Variants in ZNF443 observed in about 807,000 individuals in gnomAD.
ZNF443 encodes zinc finger protein 443.
ZNF443 carries 3 observed loss-of-function variants against 12.0 expected under a neutral mutation model. That is an observed-to-expected ratio of 0.25 (90% CI 0.11 to 0.64). ZNF443 has a LOEUF of 0.64. ZNF443 is among the 30% of genes least tolerant of loss of function. The pLI is 0.84. For synonymous variants in ZNF443, 225 were observed against 265.9 expected (o/e 0.85, Z 1.50); for missense variants, 770 against 808.8 (o/e 0.95, Z 0.58).
chr19:12,440,754 AG>A (rs1198049140), intron 1 of ZNF443, among the ~76,000 whole-genome samples, 157 bp downstream of exon 1: 7 of 152,144 alleles, frequency 4.6e-5, no homozygotes, highest in Admixed American at 2.6e-4. Flanking sequence ...CTGCATGCCC[AG>A]CCCCACCCTG....
At chr19:12,432,560 A>C in intron 2 of ZNF443, 123 bp from the exon 3 acceptor site, 1 of 613,358 alleles carries the variant, frequency 1.6e-6, no homozygotes, top group Non-Finnish European at 2.7e-6. Context: ...ACTCTTGAAA[A>C]ACAGAGGTTT....
At chr19:12,438,016 G>A (rs9676440) in intron 1 of ZNF443, among the ~76,000 whole-genome samples, 49,172 of 150,614 alleles carry the variant, frequency 0.33, 8,469 homozygotes, top group South Asian at 0.47. Context: ...CAAGAGAATC[G>A]CTTGAACGCA....
Position 12,441,018 on chromosome 19 carries a change from C to T in ZNF443, c.-104G>A. The T allele has an allele frequency of 3.1e-6, 5 of 1,600,912 alleles. No individual in the cohort carries two copies. Among genetic ancestry groups the T allele is most frequent in the Non-Finnish European group, 4.3e-6 (5 of 1,173,298 alleles). On this transcript the variant is annotated 5_prime_UTR_variant, in exon 1 of 4. Transcript: ENST00000301547. ...TCAGAACTTCCAGGTCGTCTCTCAG[C>T]TACAGAACCCAGAGCCGAGCGCAGG...
At chr19:12,437,416 A>AAAGAAAG (rs1555692050) in intron 1 of ZNF443, among the ~76,000 whole-genome samples, 9 of 146,754 alleles carry the variant, frequency 6.1e-5, no homozygotes, top group East Asian at 4.0e-4. Flanking sequence ...TCAAAAAAAA[A>AAAGAAAG]AAAGAAACAA....
Position 12,430,739 on chromosome 19 carries a change from T to G in ZNF443, c.1433A>C (p.Lys478Thr). ...AATACAGGCTTTCCCAAGTTTGCAT[T>G]TATAGGGTTTCTCTCCAGTATGAGT... The part of the protein sequence containing the change: ...ETTHTGEKPY[K>T]CKLGKACIDF... The change falls in exon 4 of 4, where the codon AAA becomes ACA. Residue 478 changes from lysine (K) to threonine (T), a missense_variant. Physicochemically the swap from Lys to Thr is moderately conservative, Grantham distance 78. Coordinates refer to ENST00000301547, the MANE Select transcript of ZNF443 (RefSeq NM_005815.5). The G allele has an allele frequency of 1.2e-6, 2 of 1,612,914 alleles. No individual in the cohort carries two copies. The highest frequency in any genetic ancestry group is 1.7e-6 in the Non-Finnish European group (2 of 1,179,128).
At chr19:12,437,416 A>AAAG (rs1555692050) in intron 1 of ZNF443, among the ~76,000 whole-genome samples, 1 of 146,678 alleles carries the variant, frequency 6.8e-6, no homozygotes, top group Non-Finnish European at 1.5e-5. Context: ...TCAAAAAAAA[A>AAAG]AAAGAAACAA....
chr19:12,440,327 G>C (rs1324581474), intron 1 of ZNF443, among the ~76,000 whole-genome samples: 2 of 152,138 alleles, frequency 1.3e-5, no homozygotes, highest in African/African-American at 4.8e-5. Flanking sequence ...TAAGATCTCC[G>C]AGTGCTGCTC....
chr19:12,431,115 GA>G lies in ZNF443; in HGVS notation c.1056del (p.Gln353LysfsTer4), dbSNP rs767009743. The part of the protein sequence containing the change: ...CGKAFHHLGS[F>X]QRHMIRHTGN... ...CCAGTGTGCCTTATCATGTGTCTTT[GA>G]AAGCTTCCCAGATGATGAAACGCTT... On this transcript the variant is annotated frameshift_variant, in exon 4 of 4. Transcript: ENST00000301547. LOFTEE classifies it low-confidence loss of function (END_TRUNC). 3.5e-5 allele frequency: 56 copies of G among 1,613,920 alleles called. No individual in the cohort carries two copies. Among genetic ancestry groups the G allele is most frequent in the Non-Finnish European group, 4.3e-5 (51 of 1,180,006 alleles).
chr19:12,431,555 A>T lies in ZNF443; in HGVS notation c.617T>A (p.Phe206Tyr). Residue 206 changes from phenylalanine (F) to tyrosine (Y), a missense_variant, in exon 4 of 4, where the codon TTT becomes TAT. By Grantham distance (22) the Phe-to-Tyr change is conservative. Around this residue, in one of 3 missense-constraint regions of ZNF443, gnomAD observed 736 missense variants for 689.4 expected, o/e 1.07. Coordinates refer to ENST00000301547, the MANE Select transcript of ZNF443 (RefSeq NM_005815.5). ...PYKCKLCGKA[F>Y]FWPSLLHMHE... ...CATATGTAATAAACTGGGCCAAAAAAACGCTTTCCCACACAACTTACATTT... is the reference window on the plus strand; with the variant it reads ...CATATGTAATAAACTGGGCCAAAAATACGCTTTCCCACACAACTTACATTT... 1 of 1,614,112 alleles carries T rather than the reference A, an allele frequency of 6.2e-7. No homozygotes were observed. Among genetic ancestry groups the T allele is most frequent in the Middle Eastern group, 1.6e-4 (1 of 6,062 alleles).
At chr19:12,437,009 A>C (rs1259892296) in intron 1 of ZNF443, among the ~76,000 whole-genome samples, 1 of 151,490 alleles carries the variant, frequency 6.6e-6, no homozygotes, top group African/African-American at 2.4e-5. Flanking sequence ...GCATTACCCT[A>C]AAAGCCAGTA....
intron 1 of ZNF443, 30 bp downstream of exon 1, chr19:12,440,882 C>A: frequency 1.2e-6 from 2 of 1,614,002 alleles, no homozygotes; most frequent in Non-Finnish European, 1.7e-6. Flanking sequence ...ACCCCTCCCC[C>A]GCCTCGGGAC....
chr19:12,431,165 G>T lies in ZNF443; in HGVS notation c.1007C>A (p.Pro336His). 6.2e-7 allele frequency: 1 copy of T among 1,613,994 alleles called. No individual in the cohort carries two copies. Among genetic ancestry groups the T allele is most frequent in the Non-Finnish European group, 8.5e-7 (1 of 1,179,940 alleles). ...RHETTHSAEK[P>H]YACQQCGKAF... ...TTTCCCACATTGCTGACATGCATAG[G>T]GTTTCTCTGCACTGTGAGTGGTTTC... Residue 336 changes from proline to histidine, a missense_variant, in exon 4 of 4, where the codon CCC (proline) becomes CAC (histidine). Transcript: ENST00000301547.
intron 1 of ZNF443, among the ~76,000 whole-genome samples, chr19:12,435,933 C>T (rs1970303482): frequency 6.6e-6 from 1 of 151,852 alleles, no homozygotes; most frequent in African/African-American, 2.4e-5. Flanking sequence ...TTCAGAAGTA[C>T]CCCATTATAA....
rs746728971 is a variant in ZNF443 at position 12,431,837 on chromosome 19, A to T, written c.335T>A (p.Val112Asp). Reference sequence around the variant, plus strand: ...ACAATTAAGGGATGAATGACCCATGACTTTTTCTCCTCTCATACTGCTTTC... The same window carrying T: ...ACAATTAAGGGATGAATGACCCATGTCTTTTTCTCCTCTCATACTGCTTTC... Reference protein sequence around the residue: ...PCESSMRGEKVMGHSSLNCYI... With the variant: ...PCESSMRGEKDMGHSSLNCYI... Residue 112 changes from valine (V) to aspartate (D), a missense_variant, in exon 4 of 4, where the codon GTC becomes GAC. By Grantham distance (152) the Val-to-Asp change is radical. Around this residue, in one of 3 missense-constraint regions of ZNF443, gnomAD observed 736 missense variants for 689.4 expected, o/e 1.07. Transcript: ENST00000301547. The T allele has an allele frequency of 1.9e-6, 3 of 1,614,114 alleles. No homozygotes were observed. Among genetic ancestry groups the T allele is most frequent in the Admixed American group, 1.7e-5 (1 of 60,020 alleles).
At chr19:12,439,856 G>T (rs1970346885) in intron 1 of ZNF443, among the ~76,000 whole-genome samples, 1 of 152,078 alleles carries the variant, frequency 6.6e-6, no homozygotes, top group Admixed American at 6.5e-5. Flanking sequence ...TGACAAACTA[G>T]TGAAATATCG....
At chr19:12,435,762 C>T (rs1381922477) in intron 1 of ZNF443, among the ~76,000 whole-genome samples, 3 of 151,504 alleles carry the variant, frequency 2.0e-5, no homozygotes, top group Non-Finnish European at 2.9e-5. Flanking sequence ...TGCCAGAACA[C>T]TGGATGAACA....
intron 1 of ZNF443, among the ~76,000 whole-genome samples, chr19:12,434,630 AG>A (rs1439056980): frequency 6.6e-6 from 1 of 152,206 alleles, no homozygotes; most frequent in Non-Finnish European, 1.5e-5. Context: ...TCACCAAGAA[AG>A]TGCAGCTTTC....
intron 1 of ZNF443, 110 bp downstream of exon 1, chr19:12,440,802 C>G (rs35084134): frequency 0.47 from 730,923 of 1,569,230 alleles, 179,380 homozygotes; most frequent in Non-Finnish European, 0.51. Context: ...GGACCCGGGT[C>G]CGTAGATCCC....
In ZNF443 at chr19:12,430,940, T is replaced by C; in HGVS notation, c.1232A>G (p.His411Arg). The change falls in exon 4 of 4, where the codon CAT becomes CGT. Residue 411 changes from histidine (H) to arginine (R), a missense_variant. His to Arg is a conservative substitution (Grantham distance 29). Transcript: ENST00000301547. ...ALSHRSSFRS[H>R]MIMHTGDGPH... Reference sequence around the variant, plus strand: ...TCCATCTCCAGTGTGCATTATCATATGACTTCGAAAGCTTGAGCGATGAGA... The same window carrying C: ...TCCATCTCCAGTGTGCATTATCATACGACTTCGAAAGCTTGAGCGATGAGA... 6.2e-7 allele frequency: 1 copy of C among 1,614,160 alleles called. No homozygotes were observed. The highest frequency in any genetic ancestry group is 8.5e-7 in the Non-Finnish European group (1 of 1,179,994).
Sources: allele counts gnomAD v4.1 joint callset (sites outside exome capture counted in the v4.1 genomes callset), GRCh38; gene constraint gnomAD v4.1.1; regional missense constraint gnomAD v4.1.1; transcripts MANE v1.5; gene names NCBI Gene and HGNC (gene_info 2026-07-23, HGNC 2026-07-21).